RBFOX1: variants seen among roughly 807,000 people sequenced by gnomAD.
RBFOX1 encodes RNA binding fox-1 homolog 1, also known as RNA binding protein fox-1 homolog 1.
In RBFOX1, 8 loss-of-function variants were observed where a neutral mutation model predicts 57.7. That is an observed-to-expected ratio of 0.14 (90% CI 0.08 to 0.25). The LOEUF is 0.25. Among genes scored for constraint, RBFOX1 ranks in the 10% least tolerant of loss-of-function variants. The probability of loss-of-function intolerance (pLI) is 1.00; values close to 1 mark genes in which losing one functional copy is unlikely to be tolerated. For missense variants in RBFOX1, 611 were observed against 548.5 expected (o/e 1.11, Z -1.14); for synonymous variants, 326 against 222.4 (o/e 1.47, Z -4.15).
chr16:6,063,447 G>A (rs188659942), intron 1 of RBFOX1, among the ~76,000 whole-genome samples: 84 of 147,680 alleles, frequency 5.7e-4, no homozygotes, highest in African/African-American at 1.8e-3. Context: ...CATCATTAGC[G>A]TCTGTTCTCT....
At chr16:6,215,533 A>G (rs749857328) in intron 1 of RBFOX1, among the ~76,000 whole-genome samples, 3 of 152,072 alleles carry the variant, frequency 2.0e-5, no homozygotes, top group Non-Finnish European at 2.9e-5. Flanking sequence ...TTTATTTCCC[A>G]TGAACGCTCC....
At chr16:6,403,826 T>C (rs1026477276) in intron 2 of RBFOX1, among the ~76,000 whole-genome samples, 1 of 152,104 alleles carries the variant, frequency 6.6e-6, no homozygotes, top group Non-Finnish European at 1.5e-5. Context: ...ATTACTATAT[T>C]TGAAGATTGG....
At chr16:5,866,280 C>G (rs1391969905) in intron 3 of RBFOX1, among the ~76,000 whole-genome samples, 1 of 152,208 alleles carries the variant, frequency 6.6e-6, no homozygotes, top group Non-Finnish European at 1.5e-5. Flanking sequence ...GCTGTCTCTT[C>G]TTTGATGGGC....
intron 2 of RBFOX1, among the ~76,000 whole-genome samples, chr16:5,574,313 T>C (rs2151139673): frequency 6.6e-6 from 1 of 152,350 alleles, no homozygotes; most frequent in South Asian, 2.1e-4. Flanking sequence ...GCTGTATCTG[T>C]CTGTAGCCTC....
intron 2 of RBFOX1, among the ~76,000 whole-genome samples, chr16:6,431,556 C>G (rs2094085704): frequency 6.6e-6 from 1 of 151,716 alleles, no homozygotes; most frequent in South Asian, 2.1e-4. Context: ...AACAGGGGCT[C>G]CGAGGGTGTA....
At chr16:7,558,741 A>G (rs2089511174) in intron 5 of RBFOX1, among the ~76,000 whole-genome samples, 1 of 152,202 alleles carries the variant, frequency 6.6e-6, no homozygotes, top group Non-Finnish European at 1.5e-5. Context: ...GAGCCCTGGA[A>G]TGTGCATTTC....
intron 4 of RBFOX1, among the ~76,000 whole-genome samples, chr16:7,150,651 G>T (rs1370576698): frequency 6.6e-6 from 1 of 152,100 alleles, no homozygotes; most frequent in Non-Finnish European, 1.5e-5. Flanking sequence ...GTCTCCTCCA[G>T]GAAGAATTAT....
intron 3 of RBFOX1, among the ~76,000 whole-genome samples, chr16:5,627,702 A>G (rs1424109213): frequency 2.0e-5 from 3 of 152,218 alleles, no homozygotes; most frequent in Admixed American, 6.5e-5. Context: ...AATAAAAGAA[A>G]CAGTAAAAAT....
chr16:7,078,091 C>T (rs1220054478), intron 4 of RBFOX1, among the ~76,000 whole-genome samples: 1 of 152,154 alleles, frequency 6.6e-6, no homozygotes. Flanking sequence ...CTTGCTCCTC[C>T]TCCTCTTTGG....
Position 5,262,302 on chromosome 16 carries a change from C to G in RBFOX1, c.219+22197C>G, listed in dbSNP as rs183692091. On this transcript the variant is annotated intron_variant, in intron 1 of 2. Coordinates refer to the RBFOX1 transcript ENST00000585867. ...GCTACACGTTATTCTGGATGTATCT[C>G]TGAGGTATTCTGGATGAGGATAACA... 7.2e-4 allele frequency among the ~76,000 whole-genome samples: 109 copies of G among 152,264 alleles called. 1 individual carries two copies. Among genetic ancestry groups the G allele is most frequent in the African/African-American group, 2.4e-3 (98 of 41,550 alleles).
intron 3 of RBFOX1, among the ~76,000 whole-genome samples, chr16:6,808,789 C>T (rs547688452): frequency 6.6e-6 from 1 of 152,256 alleles, no homozygotes; most frequent in Non-Finnish European, 1.5e-5. Context: ...GTATCTGTGT[C>T]TTCTCCCAGT....
chr16:5,287,744 AAGTT>A, intron 1 of RBFOX1, among the ~76,000 whole-genome samples: 1 of 152,292 alleles, frequency 6.6e-6, no homozygotes, highest in Middle Eastern at 3.4e-3. Flanking sequence ...CACAGTTTCC[AAGTT>A]TTTGGTCATG....
At chr16:6,857,355 G>C (rs950410779) in intron 3 of RBFOX1, among the ~76,000 whole-genome samples, 1 of 152,144 alleles carries the variant, frequency 6.6e-6, no homozygotes, top group Non-Finnish European at 1.5e-5. Flanking sequence ...GCATCTAAGT[G>C]CTCACGTTAT....
intron 1 of RBFOX1, among the ~76,000 whole-genome samples, chr16:6,168,491 G>T (rs939285287): frequency 6.6e-6 from 1 of 152,138 alleles, no homozygotes; most frequent in African/African-American, 2.4e-5. Flanking sequence ...TTCATGATCT[G>T]CAATGAGCCT....
intron 3 of RBFOX1, among the ~76,000 whole-genome samples, chr16:6,864,763 T>C (rs1262608671): frequency 1.3e-5 from 2 of 152,048 alleles, no homozygotes; most frequent in Non-Finnish European, 2.9e-5. Context: ...TATTTTTAAG[T>C]GTCTTTTTCC....
intron 3 of RBFOX1, among the ~76,000 whole-genome samples, chr16:6,841,863 G>A (rs1422867349): frequency 6.6e-6 from 1 of 152,096 alleles, no homozygotes; most frequent in Non-Finnish European, 1.5e-5. Flanking sequence ...AACAGGCCGG[G>A]CGCGGTGGCT....
chr16:5,415,380 G>A lies in RBFOX1; in HGVS notation c.220-51836G>A, dbSNP rs527992686. ...GCATAGGGAAAACCACCCCGATGAT[G>A]CAGTCACTTCCCACCGATTCCCTCC... On this transcript the variant is annotated intron_variant, in intron 1 of 2. Transcript: ENST00000585867. Among the ~76,000 whole-genome samples, 21 of 152,254 alleles carry A rather than the reference G, an allele frequency of 1.4e-4. No homozygotes were observed. In the East Asian group the frequency reaches 3.3e-3, roughly 24 times the overall value.
At chr16:6,498,264 A>AC (rs2095827758) in intron 2 of RBFOX1, among the ~76,000 whole-genome samples, 1 of 152,000 alleles carries the variant, frequency 6.6e-6, no homozygotes, top group Non-Finnish European at 1.5e-5. Context: ...AACAAAAAAA[A>AC]AAAAAAGGAT....
intron 2 of RBFOX1, among the ~76,000 whole-genome samples, chr16:6,521,974 C>G (rs959513731): frequency 6.6e-6 from 1 of 152,148 alleles, no homozygotes; most frequent in Non-Finnish European, 1.5e-5. Context: ...TCAGCTCTCA[C>G]TTTTCTCACC....
Sources: gnomAD v4.1 joint callset for allele counts (sites outside exome capture counted in the v4.1 genomes callset) on GRCh38, gnomAD v4.1.1 for gene constraint, MANE v1.5 for transcripts, NCBI Gene and HGNC (gene_info 2026-07-23, HGNC 2026-07-21) for gene names.